TMEM132D: variants seen among roughly 807,000 people sequenced by gnomAD.
TMEM132D encodes mature OL transmembrane protein.
In TMEM132D, 21 loss-of-function variants were observed where a neutral mutation model predicts 62.3. The ratio of observed to expected loss-of-function variants is 0.34; its 90% CI spans 0.24 to 0.49. The LOEUF (loss-of-function observed/expected upper bound fraction) is 0.49, where lower values mean the gene tolerates loss of function less well. Among genes scored for constraint, TMEM132D ranks in the 20% least tolerant of loss-of-function variants. The pLI is 0.99. For synonymous variants in TMEM132D, 621 were observed against 575.6 expected, an observed-to-expected ratio of 1.08 and a Z score of -1.13; for missense variants, 1,346 against 1,402.8, an observed-to-expected ratio of 0.96 and a Z score of 0.65.
intron 5 of TMEM132D, among the ~76,000 whole-genome samples, chr12:129,173,760 T>C (rs532890755): frequency 6.6e-6 from 1 of 152,302 alleles, no homozygotes; most frequent in African/African-American, 2.4e-5. Context: ...AACTTTATTT[T>C]TGTGAATATC....
At chr12:129,622,643 G>C (rs1427258772) in intron 2 of TMEM132D, among the ~76,000 whole-genome samples, 4 of 152,164 alleles carry the variant, frequency 2.6e-5, no homozygotes, top group African/African-American at 9.7e-5. Context: ...ATACAAGCCG[G>C]AGCTCTTTTC....
At chr12:129,393,058 T>A (rs567962510) in intron 3 of TMEM132D, among the ~76,000 whole-genome samples, 71 of 152,206 alleles carry the variant, frequency 4.7e-4, no homozygotes, top group African/African-American at 1.7e-3. Context: ...TGCTAGAAGC[T>A]CAGATATTTA....
intron 4 of TMEM132D, among the ~76,000 whole-genome samples, chr12:129,243,777 C>T (rs569270376): frequency 1.3e-5 from 2 of 152,238 alleles, no homozygotes; most frequent in South Asian, 4.1e-4. Flanking sequence ...AAATATAAAA[C>T]GTCAATATCA....
intron 4 of TMEM132D, among the ~76,000 whole-genome samples, chr12:129,215,924 C>T (rs1879188949): frequency 2.0e-5 from 3 of 152,210 alleles, no homozygotes; most frequent in Admixed American, 1.3e-4. Context: ...GACTTACTCA[C>T]TACCATGAGA....
At chr12:129,583,659 G>A (rs1042217994) in intron 2 of TMEM132D, among the ~76,000 whole-genome samples, 6 of 152,260 alleles carry the variant, frequency 3.9e-5, no homozygotes, top group Admixed American at 1.3e-4. Flanking sequence ...AATAACCTGC[G>A]CTATGAGGAT....
intron 1 of TMEM132D, among the ~76,000 whole-genome samples, chr12:129,707,223 A>G (rs1236449798): frequency 6.7e-6 from 1 of 148,176 alleles, no homozygotes; most frequent in East Asian, 1.9e-4. Context: ...TATATATTAT[A>G]TATGTATATA....
intron 1 of TMEM132D, among the ~76,000 whole-genome samples, chr12:129,701,946 G>A (rs1373395399): frequency 2.0e-5 from 3 of 152,222 alleles, no homozygotes; most frequent in African/African-American, 7.2e-5. Flanking sequence ...CTCGGAGGCA[G>A]GGGTCCTGCT....
chr12:129,563,123 G>T (rs768945026), intron 2 of TMEM132D, among the ~76,000 whole-genome samples: 8 of 152,084 alleles, frequency 5.3e-5, no homozygotes, highest in Non-Finnish European at 8.8e-5. Flanking sequence ...AATTTTTTTT[G>T]AGGCCAGGGG....
chr12:129,749,352 C>T (rs906911100), intron 1 of TMEM132D, among the ~76,000 whole-genome samples: 2 of 152,152 alleles, frequency 1.3e-5, no homozygotes, highest in Non-Finnish European at 2.9e-5. Flanking sequence ...ACAGAGGCAA[C>T]CTTCAGAGAA....
At chr12:129,193,991 G>C (rs1039996652) in intron 5 of TMEM132D, among the ~76,000 whole-genome samples, 1 of 152,182 alleles carries the variant, frequency 6.6e-6, no homozygotes, top group African/African-American at 2.4e-5. Flanking sequence ...CTCTTGTTTG[G>C]ACTCTAAAGC....
chr12:129,104,020 T>A (rs1875403498), intron 5 of TMEM132D, among the ~76,000 whole-genome samples: 1 of 151,954 alleles, frequency 6.6e-6, no homozygotes, highest in African/African-American at 2.4e-5. Flanking sequence ...ATGCCTTTCT[T>A]CACAGAATTG....
chr12:129,143,930 T>C (rs182381388), intron 5 of TMEM132D, among the ~76,000 whole-genome samples: 10,654 of 152,134 alleles, frequency 0.07, 1,122 homozygotes, highest in African/African-American at 0.22. Context: ...ATGACCCTGC[T>C]CACTCTTGAA....
At chr12:129,568,409 G>T (rs986819118) in intron 2 of TMEM132D, among the ~76,000 whole-genome samples, 7 of 152,192 alleles carry the variant, frequency 4.6e-5, no homozygotes, top group African/African-American at 1.7e-4. Context: ...TCATTTCTTG[G>T]GAGCAGACAT....
chr12:129,666,411 T>TTC (rs397774644), intron 2 of TMEM132D, among the ~76,000 whole-genome samples: 1 of 9,560 alleles, frequency 1.0e-4, no homozygotes, highest in Admixed American at 1.5e-3. Context: ...AAATAGAAAC[T>TTC]AATGCCTCTG....
intron 4 of TMEM132D, among the ~76,000 whole-genome samples, chr12:129,240,252 C>T (rs917658396): frequency 1.6e-4 from 24 of 152,254 alleles, no homozygotes; most frequent in African/African-American, 5.8e-4. Flanking sequence ...TATAAAATGA[C>T]CCTCTGCCTC....
intron 4 of TMEM132D, among the ~76,000 whole-genome samples, chr12:129,227,584 TTTA>T (rs1400454889): frequency 8.2e-5 from 12 of 147,026 alleles, no homozygotes; most frequent in South Asian, 4.4e-4. Context: ...TTTATTTTTA[TTTA>T]TTTTTTAATA....
Position 129,274,914 on chromosome 12 carries a change from A to G in TMEM132D, c.1299+62720T>C, listed in dbSNP as rs574948958. 4.6e-5 allele frequency among the ~76,000 whole-genome samples: 7 copies of G among 152,248 alleles called. No individual in the cohort carries two copies. In the East Asian group the frequency reaches 1.4e-3, roughly 29 times the overall value. On this transcript the variant is annotated intron_variant, in intron 4 of 8. Transcript: ENST00000422113. ...AAACAAAAACAAAAACAAAACAATT[A>G]TTTTACTACAAATGATAACAATAAT...
intron 5 of TMEM132D, among the ~76,000 whole-genome samples, chr12:129,098,295 A>G (rs1386213): frequency 0.42 from 63,369 of 152,106 alleles, 13,909 homozygotes; most frequent in African/African-American, 0.57. Flanking sequence ...ACTCAATGAA[A>G]CCAAAGTCTT....
chr12:129,159,905 G>T (rs1193511040), intron 5 of TMEM132D, among the ~76,000 whole-genome samples: 1 of 152,136 alleles, frequency 6.6e-6, no homozygotes, highest in African/African-American at 2.4e-5. Flanking sequence ...GGATACAAGT[G>T]GGCAGCCAGG....
Sources: gnomAD v4.1 joint callset for allele counts (sites outside exome capture counted in the v4.1 genomes callset) on GRCh38, gnomAD v4.1.1 for gene constraint, MANE v1.5 for transcripts, NCBI Gene and HGNC (gene_info 2026-07-23, HGNC 2026-07-21) for gene names.